DNAI4: variants seen among roughly 807,000 people sequenced by gnomAD.
DNAI4 encodes the protein dynein axonemal intermediate chain 4.
DNAI4 carries 85 observed loss-of-function variants against 105.8 expected under a neutral mutation model. The observed-to-expected ratio is 0.80, with a 90% CI of 0.67 to 0.96. DNAI4 has a LOEUF of 0.96. Ranked by LOEUF, DNAI4 falls within the 40% of genes least tolerant of loss-of-function variation. The pLI, the probability that DNAI4 is intolerant of heterozygous loss-of-function variation, is 0.00. For missense variants in DNAI4, 1,014 were observed against 1,005.6 expected, an observed-to-expected ratio of 1.01 and a Z score of -0.11; for synonymous variants, 352 against 331.5, an observed-to-expected ratio of 1.06 and a Z score of -0.67.
chr1:66,823,480 C>T (rs1382601880), intron 15 of DNAI4, among the ~76,000 whole-genome samples: 29 of 149,166 alleles, frequency 1.9e-4, no homozygotes, highest in Admixed American at 1.3e-4. Context: ...TGAGGAATCG[C>T]CACACTGACT....
At chr1:66,857,535 ATTT>A in intron 7 of DNAI4, among the ~76,000 whole-genome samples, 1 of 143,126 alleles carries the variant, frequency 7.0e-6, no homozygotes, top group Non-Finnish European at 1.5e-5. Flanking sequence ...CTGCCCACAA[ATTT>A]TTTTTTTTTT....
chr1:66,918,042 A>G (rs552491121), intron 1 of DNAI4, among the ~76,000 whole-genome samples: 19 of 152,152 alleles, frequency 1.2e-4, no homozygotes, highest in Non-Finnish European at 1.6e-4. Context: ...GAGGAAATTC[A>G]CCCAACTCAT....
At chr1:66,836,661 G>A (rs1367038388) in intron 10 of DNAI4, among the ~76,000 whole-genome samples, 1 of 152,180 alleles carries the variant, frequency 6.6e-6, no homozygotes, top group African/African-American at 2.4e-5. Context: ...GACTACTGAT[G>A]ATGAATCCAA....
At chr1:66,860,014 C>A (rs1356960268) in intron 7 of DNAI4, among the ~76,000 whole-genome samples, 1 of 151,980 alleles carries the variant, frequency 6.6e-6, no homozygotes, top group Admixed American at 6.6e-5. Flanking sequence ...CCAATTGTAA[C>A]AAATATACCA....
chr1:66,900,553 T>C (rs1648728813), intron 2 of DNAI4, among the ~76,000 whole-genome samples: 1 of 152,260 alleles, frequency 6.6e-6, no homozygotes, highest in Admixed American at 6.5e-5. Context: ...ACTTTCCCAT[T>C]GAATTAGATC....
At chr1:66,899,982 C>A (rs143682614) in intron 2 of DNAI4, among the ~76,000 whole-genome samples, 6 of 152,172 alleles carry the variant, frequency 3.9e-5, no homozygotes, top group Non-Finnish European at 8.8e-5. Context: ...TTTGAAACAG[C>A]GAAGTGTGAA....
intron 1 of DNAI4, among the ~76,000 whole-genome samples, chr1:66,911,194 C>T (rs1378613717): frequency 6.6e-6 from 1 of 152,192 alleles, no homozygotes; most frequent in East Asian, 1.9e-4. Flanking sequence ...GATCACAGAA[C>T]TCAGAGAAAC....
chr1:66,879,925 C>T (rs931158536), intron 4 of DNAI4, among the ~76,000 whole-genome samples: 4 of 152,240 alleles, frequency 2.6e-5, no homozygotes, highest in Non-Finnish European at 5.9e-5. Context: ...ATTGTAACTC[C>T]CACAGTTCCC....
intron 2 of DNAI4, among the ~76,000 whole-genome samples, chr1:66,898,853 G>T (rs1181997584): frequency 6.6e-6 from 1 of 152,178 alleles, no homozygotes; most frequent in Non-Finnish European, 1.5e-5. Context: ...TCAGGAGTTT[G>T]ATAGTGAATG....
At chr1:66,891,344 T>G (rs373528934) in intron 3 of DNAI4, 78 bp from the exon 4 acceptor site, 55 of 952,080 alleles carry the variant, frequency 5.8e-5, no homozygotes, top group East Asian at 2.5e-4. Flanking sequence ...TAGAACATAT[T>G]ATCAGATGGA....
chr1:66,872,209 A>T (rs562841828), intron 5 of DNAI4, among the ~76,000 whole-genome samples: 42 of 103,160 alleles, frequency 4.1e-4, no homozygotes, highest in African/African-American at 1.9e-3. Context: ...AGGTTATTTT[A>T]TTTATTTATT....
intron 8 of DNAI4, among the ~76,000 whole-genome samples, chr1:66,846,402 A>C (rs1300577486): frequency 1.3e-5 from 2 of 152,330 alleles, no homozygotes; most frequent in African/African-American, 2.4e-5. Context: ...AATTTCATAA[A>C]GGAAGTTTCC....
intron 15 of DNAI4, 41 bp downstream of exon 15, chr1:66,826,779 C>A (rs1471047859): frequency 6.4e-6 from 10 of 1,558,124 alleles, no homozygotes; most frequent in Non-Finnish European, 7.8e-6. Context: ...TTAGTTTGAA[C>A]TGCTTCTACT....
rs545859483 is a variant in DNAI4 at position 66,823,206 on chromosome 1, A to T, written c.2340-689T>A. 1.4e-3 allele frequency among the ~76,000 whole-genome samples: 197 copies of T among 141,058 alleles called. 4 individuals carry two copies. The South Asian group carries it at 0.019, about 14-fold the overall frequency. 92.5% of individuals were successfully genotyped at this position (141,058 alleles called of 152,430 possible). A position where few individuals can be genotyped will look rare whatever the true frequency, so the allele number is the denominator to read the frequency against. ...AGTTTGCTGAGAATGATGATTTCCAATTTCATCCATGTCCCTACAAAGGAC... is the reference window on the plus strand; with the variant it reads ...AGTTTGCTGAGAATGATGATTTCCATTTTCATCCATGTCCCTACAAAGGAC... On this transcript the variant is annotated intron_variant, in intron 15 of 16. Coordinates refer to ENST00000371026, the MANE Select transcript of DNAI4 (RefSeq NM_024763.5).
rs1648010420 is a variant in DNAI4, at chr1:66,893,237, C to G, written c.522G>C (p.Gln174His). The change falls in exon 3 of 17, where the codon CAG becomes CAC. Residue 174 changes from glutamine (Q) to histidine (H), a missense_variant. Gln to His is a conservative substitution (Grantham distance 24). Coordinates refer to ENST00000371026, the MANE Select transcript of DNAI4 (RefSeq NM_024763.5). ...QNTINPSTLG[Q>H]FTRSVLGSST... ...ATAATAGTATACTCTACCTTGTAAA[C>G]TGCCCTAACGTACTAGGATTTATTG... is the stretch of plus-strand genomic sequence containing the variant. The G allele has an allele frequency of 1.3e-6, 2 of 1,560,856 alleles. No individual in the cohort carries two copies. The highest frequency in any genetic ancestry group is 3.8e-5 in the Admixed American group (2 of 52,446).
intron 4 of DNAI4, among the ~76,000 whole-genome samples, chr1:66,884,333 A>G (rs139941387): frequency 1.3e-5 from 2 of 152,330 alleles, no homozygotes; most frequent in Non-Finnish European, 2.9e-5. Flanking sequence ...TTGGGTAAAT[A>G]CCCAGAAGTA....
intron 7 of DNAI4, among the ~76,000 whole-genome samples, chr1:66,851,002 A>T (rs777628522): frequency 4.6e-5 from 7 of 152,008 alleles, no homozygotes; most frequent in Non-Finnish European, 1.0e-4. Context: ...TGCGAATAAA[A>T]AATTAAATAC....
chr1:66,905,919 T>C (rs867208408), intron 1 of DNAI4, among the ~76,000 whole-genome samples: 778 of 19,028 alleles, frequency 0.041, 6 homozygotes, highest in African/African-American at 0.085. Flanking sequence ...TATATACTAC[T>C]TTTTTTTTTT....
chr1:66,824,465 T>C (rs1244994928), intron 15 of DNAI4, among the ~76,000 whole-genome samples: 2 of 152,156 alleles, frequency 1.3e-5, no homozygotes, highest in African/African-American at 4.8e-5. Context: ...GGTAGCTTGA[T>C]GGGGATGGCA....
Sources: allele counts gnomAD v4.1 joint callset (sites outside exome capture counted in the v4.1 genomes callset), GRCh38; gene constraint gnomAD v4.1.1; transcripts MANE v1.5; gene names NCBI Gene and HGNC (gene_info 2026-07-23, HGNC 2026-07-21).